The following PLOD2 variants were observed in gnomAD, a reference collection of about 807,000 sequenced individuals.
PLOD2 encodes the protein lysine hydroxylase 2.
A neutral mutation model predicts 101.0 loss-of-function variants in PLOD2; 65 were observed. That is an observed-to-expected ratio of 0.64 (90% CI 0.53 to 0.79). The LOEUF is 0.79. Among genes scored for constraint, PLOD2 ranks in the 30% least tolerant of loss-of-function variants. The pLI, the probability that PLOD2 is intolerant of heterozygous loss-of-function variation, is 0.00. For synonymous variants in PLOD2, 314 were observed against 302.9 expected (o/e 1.04, Z -0.38); for missense variants, 909 against 914.6 (o/e 0.99, Z 0.08).
intron 1 of PLOD2, among the ~76,000 whole-genome samples, chr3:146,129,716 C>A (rs986926489): frequency 6.6e-6 from 1 of 152,158 alleles, no homozygotes; most frequent in African/African-American, 2.4e-5. Context: ...CCATCCCTTT[C>A]TCTACCAGAG....
intron 1 of PLOD2, among the ~76,000 whole-genome samples, chr3:146,153,829 C>CA (rs57315523): frequency 0.27 from 29,509 of 110,016 alleles, 3,636 homozygotes; most frequent in South Asian, 0.45. Context: ...GTCCACAGCA[C>CA]AAAAAAAAAA....
chr3:146,099,271 G>T (rs1039691476), intron 7 of PLOD2, among the ~76,000 whole-genome samples: 1 of 152,116 alleles, frequency 6.6e-6, no homozygotes, highest in African/African-American at 2.4e-5. Flanking sequence ...ATGTCCTTTA[G>T]TCACTTTTTA....
intron 2 of PLOD2, 68 bp from the exon 3 acceptor site, chr3:146,121,316 A>T: frequency 7.5e-7 from 1 of 1,325,326 alleles, no homozygotes; most frequent in Admixed American, 1.7e-5. Context: ...GAAAAACTTA[A>T]AGACATCATC....
rs368040563 is a variant in PLOD2 at position 146,072,716 on chromosome 3, T to C, written c.1744-51A>G. 1.4e-4 allele frequency: 145 copies of C among 1,042,066 alleles called. No homozygotes were observed. In the Admixed American group the frequency reaches 1.8e-3, roughly 13 times the overall value. The allele number at this position is 1,042,066 out of a possible 1,614,324, so 64.6% of individuals were successfully genotyped here. A position where few individuals can be genotyped will look rare whatever the true frequency, so the allele number is the denominator to read the frequency against. On this transcript the variant is annotated intron_variant, in intron 16 of 19. Coordinates refer to ENST00000282903, the MANE Select transcript of PLOD2 (RefSeq NM_182943.3). ...AGACATAATAACTTCTGTGTCTTAA[T>C]AGTCTAAAATAGTTATTTTAATATG...
At chr3:146,083,882 G>C (rs908019029) in intron 11 of PLOD2, among the ~76,000 whole-genome samples, 3 of 151,532 alleles carry the variant, frequency 2.0e-5, no homozygotes, top group African/African-American at 7.3e-5. Context: ...CACCCGGCCG[G>C]GAATTTTTTT....
chr3:146,130,200 A>T (rs2030828618), intron 1 of PLOD2, among the ~76,000 whole-genome samples: 1 of 152,130 alleles, frequency 6.6e-6, no homozygotes, highest in Admixed American at 6.5e-5. Flanking sequence ...CAAGACCATT[A>T]TCTAATATTC....
chr3:146,081,031 T>C, intron 12 of PLOD2, among the ~76,000 whole-genome samples: 1 of 149,812 alleles, frequency 6.7e-6, no homozygotes, highest in East Asian at 1.9e-4. Context: ...GCTGACATGT[T>C]TGAGAACTAA....
chr3:146,082,000 AAAAAT>A (rs1936559135), intron 11 of PLOD2, 137 bp from the exon 12 acceptor site: 4 of 544,950 alleles, frequency 7.3e-6, no homozygotes, highest in Non-Finnish European at 6.0e-6. Flanking sequence ...TGTAGTTAAT[AAAAAT>A]AAAATAAGGA....
At chr3:146,141,388 A>C (rs532192128) in intron 1 of PLOD2, among the ~76,000 whole-genome samples, 13 of 152,240 alleles carry the variant, frequency 8.5e-5, no homozygotes, top group African/African-American at 2.9e-4. Context: ...TTATTGAAAG[A>C]AAAGTTAGAA....
At chr3:146,100,392 G>A (rs1395336466) in intron 7 of PLOD2, among the ~76,000 whole-genome samples, 1 of 152,196 alleles carries the variant, frequency 6.6e-6, no homozygotes, top group Non-Finnish European at 1.5e-5. Flanking sequence ...CAAAGGCCTA[G>A]TAAGAGAGAC....
chr3:146,153,209 G>A (rs114154284), intron 1 of PLOD2, among the ~76,000 whole-genome samples: 1,554 of 152,262 alleles, frequency 0.01, 35 homozygotes, highest in African/African-American at 0.035. Context: ...TTCCCCAGGT[G>A]ATCACATTAT....
At chr3:146,114,474 A>G (rs569323929) in intron 3 of PLOD2, among the ~76,000 whole-genome samples, 5 of 152,150 alleles carry the variant, frequency 3.3e-5, no homozygotes, top group Non-Finnish European at 7.4e-5. Context: ...AGTCCCAGCT[A>G]ACAACCAGAC....
At chr3:146,160,455 T>C (rs1299020647) in intron 1 of PLOD2, among the ~76,000 whole-genome samples, 1 of 152,116 alleles carries the variant, frequency 6.6e-6, no homozygotes, top group Non-Finnish European at 1.5e-5. Flanking sequence ...CTGGAAGGAA[T>C]GTGTCACCAT....
At position 146,080,248 on chromosome 3, in the gene PLOD2, A is replaced by T. The variant is rs192335891; in HGVS notation, c.1359-991T>A. ...ACATACACTACGTTTTTTCCTACAC[A>T]TATATACTTATAATAAAGTTTAATT... On this transcript the variant is annotated intron_variant, in intron 12 of 19. Transcript: ENST00000282903. Among the ~76,000 whole-genome samples, 26 of 152,072 alleles carry T rather than the reference A, an allele frequency of 1.7e-4. 1 individual carries two copies. The South Asian group carries it at 5.2e-3, about 30-fold the overall frequency.
chr3:146,081,899 C>G, intron 11 of PLOD2, 36 bp from the exon 12 acceptor site: 1 of 1,567,082 alleles, frequency 6.4e-7, no homozygotes, highest in Non-Finnish European at 8.7e-7. Flanking sequence ...GAGAGAGAAA[C>G]CTATATAATT....
intron 7 of PLOD2, among the ~76,000 whole-genome samples, chr3:146,095,687 C>T (rs1234867550): frequency 2.6e-5 from 4 of 152,050 alleles, no homozygotes; most frequent in Non-Finnish European, 5.9e-5. Context: ...TACCATTTGA[C>T]CCAGTAATCT....
At position 146,071,387 on chromosome 3, in the gene PLOD2, T is replaced by C. The variant is rs1378540661; in HGVS notation, c.1885A>G (p.Thr629Ala). 6.2e-7 allele frequency: 1 copy of C among 1,611,902 alleles called. No homozygotes were observed. The highest frequency in any genetic ancestry group is 8.5e-7 in the Non-Finnish European group (1 of 1,178,552). Reference protein sequence around the residue: ...RISGGYENVPTDDIHMKQVDL... With the variant: ...RISGGYENVPADDIHMKQVDL... ...ACTTGCTTCATGTGGATATCATCAG[T>C]TGGGACATTTTCATAACCACCAGAT... The change falls in exon 18 of 20, where the codon ACT becomes GCT. Residue 629 changes from threonine (T) to alanine (A), a missense_variant. By Grantham distance (58) the Thr-to-Ala change is moderately conservative (BLOSUM62 0). Coordinates refer to ENST00000282903, the MANE Select transcript of PLOD2 (RefSeq NM_182943.3).
intron 1 of PLOD2, among the ~76,000 whole-genome samples, chr3:146,127,912 T>G (rs185912237): frequency 7.9e-5 from 12 of 152,278 alleles, no homozygotes; most frequent in African/African-American, 2.6e-4. Flanking sequence ...ACATTGCTTG[T>G]GGGAATGTAA....
At chr3:146,107,100 G>T (rs559319515) in intron 4 of PLOD2, among the ~76,000 whole-genome samples, 66 of 152,294 alleles carry the variant, frequency 4.3e-4, no homozygotes, top group African/African-American at 1.5e-3. Context: ...TGCCAGAGAT[G>T]CTAATGCAAT....
Sources: allele counts gnomAD v4.1 joint callset (sites outside exome capture counted in the v4.1 genomes callset), GRCh38; gene constraint gnomAD v4.1.1; transcripts MANE v1.5; gene names NCBI Gene and HGNC (gene_info 2026-07-23, HGNC 2026-07-21).